BATF: variants seen among roughly 807,000 people sequenced by gnomAD.
BATF encodes basic leucine zipper transcriptional factor ATF-like.
In BATF, 5 loss-of-function variants were observed where a neutral mutation model predicts 13.7. The observed-to-expected ratio is 0.36, with a 90% CI of 0.19 to 0.77. The LOEUF (loss-of-function observed/expected upper bound fraction) is 0.77. BATF is among the 30% of genes least tolerant of loss of function. The pLI is 0.51. For missense variants in BATF, 124 were observed against 163.0 expected (o/e 0.76, Z 1.30); for synonymous variants, 72 against 67.5 (o/e 1.07, Z -0.33).
chr14:75,546,604 C>G lies in BATF; in HGVS notation c.311C>G (p.Pro104Arg), dbSNP rs550569270. ...CTGGCCGCCAGCACGCCCTCGCCCC[C>G]CGAGGTGGTGTACAGCGCCCACGCA... The part of the protein sequence containing the change: ...SVLAASTPSP[P>R]EVVYSAHAFH... Residue 104 changes from proline (P) to arginine (R), a missense_variant, in exon 3 of 3, where the codon CCC (proline) becomes CGC (arginine). This residue lies in a region of BATF where 59 missense variants were observed against 49.7 expected (regional missense o/e 1.19). Coordinates refer to ENST00000286639, the MANE Select transcript of BATF (RefSeq NM_006399.5). 49 of 1,613,906 alleles carry G rather than the reference C, an allele frequency of 3.0e-5. No homozygotes were observed. The highest frequency in any genetic ancestry group is 1.5e-4 in the African/African-American group (11 of 75,050).
In BATF at chr14:75,546,639, C is replaced by A. The variant is rs746761288; in HGVS notation, c.346C>A (p.Pro116Thr). ...GTACAGCGCCCACGCATTCCACCAACCTCATGTCAGCTCCCCGCGCTTCCA... is the reference window on the plus strand; with the variant it reads ...GTACAGCGCCCACGCATTCCACCAAACTCATGTCAGCTCCCCGCGCTTCCA... ...VVYSAHAFHQPHVSSPRFQP is the reference protein window; with the variant it reads ...VVYSAHAFHQTHVSSPRFQP Residue 116 changes from proline to threonine, a missense_variant, in exon 3 of 3, where the codon CCT (proline) becomes ACT (threonine). Around this residue, in one of 2 missense-constraint regions of BATF, gnomAD observed 59 missense variants for 49.7 expected, o/e 1.19. Coordinates refer to ENST00000286639, the MANE Select transcript of BATF (RefSeq NM_006399.5). 6.2e-7 allele frequency: 1 copy of A among 1,611,064 alleles called. No homozygotes were observed.
At chr14:75,525,248 G>A in intron 2 of BATF, 60 bp downstream of exon 2, 1 of 1,512,556 alleles carries the variant, frequency 6.6e-7, no homozygotes, top group Non-Finnish European at 9.1e-7. Context: ...CCGCCATCTG[G>A]GAACCCTTGG....
At chr14:75,535,706 T>C (rs113121591) in intron 2 of BATF, among the ~76,000 whole-genome samples, 171 of 152,172 alleles carry the variant, frequency 1.1e-3, no homozygotes, top group Admixed American at 3.1e-3. Context: ...AACTTGTAAA[T>C]ATTACACCAG....
At chr14:75,526,003 C>T (rs1462745728) in intron 2 of BATF, among the ~76,000 whole-genome samples, 1 of 152,172 alleles carries the variant, frequency 6.6e-6, no homozygotes, top group African/African-American at 2.4e-5. Context: ...ATGAAAGATG[C>T]AATTTCAAGT....
Position 75,546,541 on chromosome 14 carries a change from C to T in BATF, c.248C>T (p.Thr83Met). 1 of 1,614,204 alleles carries T rather than the reference C, an allele frequency of 6.2e-7. No individual in the cohort carries two copies. Among genetic ancestry groups the T allele is most frequent in the South Asian group, 1.1e-5 (1 of 91,084 alleles). The change falls in exon 3 of 3, where the codon ACG becomes ATG. Residue 83 changes from threonine (T) to methionine (M), a missense_variant. Thr to Met is a moderately conservative substitution (Grantham distance 81, BLOSUM62 -1). Around this residue, in one of 2 missense-constraint regions of BATF, gnomAD observed 65 missense variants for 113.3 expected, o/e 0.57. Transcript: ENST00000286639. ...CTCACAGAGGAACTGAAGTACTTCA[C>T]GTCGGTGCTGAACAGCCACGAGCCC... ...KQLTEELKYFTSVLNSHEPLC... is the reference protein window; with the variant it reads ...KQLTEELKYFMSVLNSHEPLC...
chr14:75,540,251 G>A (rs961085048), intron 2 of BATF, among the ~76,000 whole-genome samples: 4 of 152,124 alleles, frequency 2.6e-5, no homozygotes, highest in African/African-American at 9.7e-5. Flanking sequence ...GCTCCCGGCG[G>A]GTGAGGGAAC....
intron 2 of BATF, among the ~76,000 whole-genome samples, chr14:75,544,840 C>T (rs1887958397): frequency 7.4e-6 from 1 of 134,716 alleles, no homozygotes; most frequent in Non-Finnish European, 1.6e-5. Context: ...TTTGCCTTTC[C>T]TCTGTGGTTA....
chr14:75,531,705 C>T (rs1244526667), intron 2 of BATF, among the ~76,000 whole-genome samples: 1 of 152,166 alleles, frequency 6.6e-6, no homozygotes, highest in Non-Finnish European at 1.5e-5. Context: ...TTTGAGCTAA[C>T]ACTGTGAGAA....
chr14:75,528,238 T>C (rs1195689672), intron 2 of BATF, among the ~76,000 whole-genome samples: 1 of 152,162 alleles, frequency 6.6e-6, no homozygotes, highest in African/African-American at 2.4e-5. Context: ...GAGAGTACCA[T>C]ATCAAAAAAG....
Position 75,525,113 on chromosome 14 carries a change from G to A in BATF, c.93G>A (p.Gln31=), listed in dbSNP as rs1887631397. 6.2e-7 allele frequency: 1 copy of A among 1,613,964 alleles called. No individual in the cohort carries two copies. Residue 31 remains glutamine (Q), a synonymous_variant, in exon 2 of 3, where the codon CAG becomes CAA. Transcript: ENST00000286639. ...CATCTGATGATGTGAGAAGAGTTCAGAGGAGGGAGAAAAATCGTATTGCCG... is the reference window on the plus strand; with the variant it reads ...CATCTGATGATGTGAGAAGAGTTCAAAGGAGGGAGAAAAATCGTATTGCCG... ...QDSSDDVRRV[Q]RREKNRIAAQ...
intron 2 of BATF, among the ~76,000 whole-genome samples, chr14:75,546,229 CTA>C (rs1311331126): frequency 6.6e-6 from 1 of 152,202 alleles, no homozygotes; most frequent in Non-Finnish European, 1.5e-5. Flanking sequence ...AGCCTCATAT[CTA>C]TGTGTATACA....
intron 2 of BATF, among the ~76,000 whole-genome samples, chr14:75,532,229 T>G (rs1887744778): frequency 6.6e-6 from 1 of 152,226 alleles, no homozygotes; most frequent in Non-Finnish European, 1.5e-5. Context: ...CAAACTCTGA[T>G]GAAGATGTAT....
chr14:75,540,802 T>G (rs1393840470), intron 2 of BATF, among the ~76,000 whole-genome samples: 1 of 152,218 alleles, frequency 6.6e-6, no homozygotes, highest in Non-Finnish European at 1.5e-5. Flanking sequence ...TGTTAGTTAT[T>G]GGCCAGGCAT....
At chr14:75,537,091 G>A (rs558267292) in intron 2 of BATF, among the ~76,000 whole-genome samples, 49 of 152,166 alleles carry the variant, frequency 3.2e-4, no homozygotes, top group Admixed American at 5.9e-4. Context: ...TAGTTTCAGG[G>A]GCTTGGCCTT....
chr14:75,532,101 G>A lies in BATF; in HGVS notation c.168+6913G>A, dbSNP rs375985682. 1.6e-4 allele frequency among the ~76,000 whole-genome samples: 25 copies of A among 152,298 alleles called. No individual in the cohort carries two copies. The South Asian group carries it at 3.9e-3, about 24-fold the overall frequency. On this transcript the variant is annotated intron_variant, in intron 2 of 2. Coordinates refer to ENST00000286639, the MANE Select transcript of BATF (RefSeq NM_006399.5). ...AGCATCTCATTTAATCTGCATAAAA[G>A]CTGTATTTTATAATTCCTTGCATTA...
chr14:75,530,405 C>A (rs1887716143), intron 2 of BATF, among the ~76,000 whole-genome samples: 1 of 152,164 alleles, frequency 6.6e-6, no homozygotes, highest in Non-Finnish European at 1.5e-5. Context: ...AACAAATCCA[C>A]ACATCATACA....
At chr14:75,540,744 C>T (rs1887884122) in intron 2 of BATF, among the ~76,000 whole-genome samples, 1 of 151,374 alleles carries the variant, frequency 6.6e-6, no homozygotes, top group African/African-American at 2.5e-5. Context: ...GTAATGATAA[C>T]CATAAAATAC....
At chr14:75,532,501 A>C (rs1887750325) in intron 2 of BATF, among the ~76,000 whole-genome samples, 2 of 152,222 alleles carry the variant, frequency 1.3e-5, no homozygotes, top group African/African-American at 4.8e-5. Flanking sequence ...ACAATATGTC[A>C]ATTGAAATCT....
At chr14:75,546,105 G>C (rs549570865) in intron 2 of BATF, among the ~76,000 whole-genome samples, 1 of 151,968 alleles carries the variant, frequency 6.6e-6, no homozygotes, top group African/African-American at 2.4e-5. Flanking sequence ...CAGGCAATCC[G>C]CCCGCCTCGG....
Sources: allele counts gnomAD v4.1 joint callset (sites outside exome capture counted in the v4.1 genomes callset), GRCh38; gene constraint gnomAD v4.1.1; regional missense constraint gnomAD v4.1.1; transcripts MANE v1.5; gene names NCBI Gene and HGNC (gene_info 2026-07-23, HGNC 2026-07-21).